Variants in RADX observed in about 807,000 individuals in gnomAD.
The protein encoded by RADX is RPA-related protein RADX.
RADX carries 36 observed loss-of-function variants against 61.6 expected under a neutral mutation model. That is an observed-to-expected ratio of 0.58 (90% confidence interval 0.45 to 0.77). The LOEUF (loss-of-function observed/expected upper bound fraction) is 0.77. RADX is among the 30% of genes least tolerant of loss of function. RADX has a pLI of 0.00. For missense variants in RADX, 497 were observed against 651.1 expected, an observed-to-expected ratio of 0.76 and a Z score of 2.58; for synonymous variants, 272 against 237.9, an observed-to-expected ratio of 1.14 and a Z score of -1.32.
At chrX:106,633,614 G>T (rs915721176) in intron 6 of RADX, among the ~76,000 whole-genome samples, 1 of 111,824 alleles carries the variant, frequency 8.9e-6, no homozygotes. Context: ...CCACATTAAA[G>T]ACATCGAAGA....
chrX:106,676,415 G>A (rs1035757602), intron 13 of RADX, among the ~76,000 whole-genome samples: 26 of 111,460 alleles, frequency 2.3e-4, no homozygotes, highest in African/African-American at 8.5e-4. Context: ...ATACCCTTGG[G>A]GTCCCACAAA....
Position 106,639,639 on chromosome X carries a change from C to G in RADX, c.1686C>G (p.Ile562Met). The change falls in exon 9 of 14, where the codon ATC (isoleucine) becomes ATG (methionine). Residue 562 changes from isoleucine to methionine, a missense_variant. This residue lies in a region of RADX where 267 missense variants were observed against 306.9 expected (regional missense o/e 0.87). Coordinates refer to ENST00000372548, the MANE Select transcript of RADX (RefSeq NM_018015.6). ...IQGIITAIKY[I>M]PHSSATESAS... ...GGATAATTACTGCTATAAAGTATAT[C>G]CCCCATAGCAGTGCGACTGAAAGTG... The G allele has an allele frequency of 5.9e-6, 7 of 1,193,440 alleles. No individual in the cohort carries two copies. The highest frequency in any genetic ancestry group is 7.9e-6 in the Non-Finnish European group (7 of 886,126).
chrX:106,619,731 CATA>C (rs200021034), intron 1 of RADX, among the ~76,000 whole-genome samples: 1,152 of 111,357 alleles, frequency 0.01, 38 homozygotes, highest in Admixed American at 0.091. Flanking sequence ...TAAAATCATA[CATA>C]ATAATCTTTT....
At chrX:106,675,653 G>A (rs1476741288) in intron 13 of RADX, among the ~76,000 whole-genome samples, 1 of 112,205 alleles carries the variant, frequency 8.9e-6, no homozygotes, top group African/African-American at 3.2e-5. Flanking sequence ...GAAATGGAGT[G>A]GAGAACACAT....
At chrX:106,663,093 T>A (rs992411961) in intron 12 of RADX, among the ~76,000 whole-genome samples, 4 of 111,430 alleles carry the variant, frequency 3.6e-5, no homozygotes, top group African/African-American at 9.8e-5. Context: ...GAGGAAAAAA[T>A]TATTAGCAAA....
Position 106,668,281 on chromosome X carries a change from G to T in RADX, c.2270-882G>T, listed in dbSNP as rs557951315. Among the ~76,000 whole-genome samples, 5 of 112,003 alleles carry T rather than the reference G, an allele frequency of 4.5e-5. No homozygotes were observed. The South Asian group carries it at 1.9e-3, about 42-fold the overall frequency. ...GAATCAGAGAGATATTAAGGTCATA[G>T]AATCTAGCTGACTAAATATCTGGGA... On this transcript the variant is annotated intron_variant, in intron 12 of 13. Transcript: ENST00000372548.
chrX:106,624,893 A>C (rs969387201), intron 2 of RADX, among the ~76,000 whole-genome samples, 197 bp from the exon 3 acceptor site: 6 of 111,589 alleles, frequency 5.4e-5, no homozygotes, highest in Non-Finnish European at 1.1e-4. Context: ...AATACTTTCC[A>C]CCTCAATACA....
chrX:106,642,232 A>G (rs1015462702), intron 10 of RADX, among the ~76,000 whole-genome samples: 13 of 111,255 alleles, frequency 1.2e-4, no homozygotes, highest in Non-Finnish European at 3.8e-5. Flanking sequence ...CATCCCATCA[A>G]GCATTTATCC....
rs1207266394 is a variant in RADX, at chrX:106,633,696, C to T, written c.1303+444C>T. Among the ~76,000 whole-genome samples, 5 of 111,449 alleles carry T rather than the reference C, an allele frequency of 4.5e-5. No homozygotes were observed. The East Asian group carries it at 8.4e-4, about 19-fold the overall frequency. ...ATAATAACAATGGTAAGTATGGTTC[C>T]GGTCGAATATTAAATTATTCAAGTA... is the stretch of plus-strand genomic sequence containing the variant. On this transcript the variant is annotated intron_variant, in intron 6 of 13. Transcript: ENST00000372548.
intron 3 of RADX, among the ~76,000 whole-genome samples, chrX:106,629,444 T>C (rs181417292): frequency 5.6e-4 from 63 of 111,927 alleles, no homozygotes; most frequent in African/African-American, 1.9e-3. Context: ...CATCCTGGTT[T>C]AAGCCTTGTT....
At chrX:106,639,890 A>T (rs760914245) in intron 9 of RADX, 10 of 238,433 alleles carry the variant, frequency 4.2e-5, no homozygotes, top group African/African-American at 2.8e-4. Flanking sequence ...TTTTGCACCA[A>T]CCTAATATTT....
chrX:106,621,109 A>G (rs1350388853), intron 1 of RADX, among the ~76,000 whole-genome samples: 2 of 112,090 alleles, frequency 1.8e-5, no homozygotes, highest in African/African-American at 6.5e-5. Flanking sequence ...AGAATGTTCC[A>G]TGTACATCCC....
intron 1 of RADX, among the ~76,000 whole-genome samples, chrX:106,617,431 T>C (rs978872979): frequency 8.9e-6 from 1 of 111,827 alleles, no homozygotes; most frequent in African/African-American, 3.3e-5. Context: ...ATATTCCAGA[T>C]CCTTATTTTT....
chrX:106,674,463 T>TTTGTTG (rs756763825), intron 13 of RADX, among the ~76,000 whole-genome samples: 1 of 112,033 alleles, frequency 8.9e-6, no homozygotes, highest in South Asian at 3.7e-4. Flanking sequence ...TCTGTTTTGT[T>TTTGTTG]TTGTTGTTGT....
chrX:106,614,406 A>C (rs1182326589), intron 1 of RADX, among the ~76,000 whole-genome samples: 1 of 112,047 alleles, frequency 8.9e-6, no homozygotes, highest in Non-Finnish European at 1.9e-5. Context: ...TGCCCATGTG[A>C]ATAGGTAATT....
chrX:106,659,946 A>G (rs1400301709), intron 11 of RADX, among the ~76,000 whole-genome samples: 1 of 112,081 alleles, frequency 8.9e-6, no homozygotes, highest in Non-Finnish European at 1.9e-5. Context: ...GTTTTCTATA[A>G]GGTAGATGTA....
rs761324542 is a variant in RADX, at chrX:106,637,925, G to A, written c.1573+1G>A. 6.7e-6 allele frequency: 8 copies of A among 1,188,013 alleles called. No individual in the cohort carries two copies. Among genetic ancestry groups the A allele is most frequent in the Non-Finnish European group, 9.1e-6 (8 of 875,958 alleles). ...TCCAAGTATAGTAGTTCTATTAAAG[G>A]TACTAATGTAATTGCCAGTCCTTCT... On this transcript the variant is annotated splice_donor_variant, in intron 8 of 13. Coordinates refer to ENST00000372548, the MANE Select transcript of RADX (RefSeq NM_018015.6). LOFTEE classifies it high-confidence loss of function.
At chrX:106,623,021 T>C (rs1926989763) in intron 2 of RADX, among the ~76,000 whole-genome samples, 1 of 111,497 alleles carries the variant, frequency 9.0e-6, no homozygotes, top group South Asian at 3.8e-4. Context: ...ATCCAGGTGG[T>C]CTCCTTCCCA....
intron 3 of RADX, among the ~76,000 whole-genome samples, chrX:106,626,143 A>T (rs1461901559): frequency 9.0e-6 from 1 of 111,312 alleles, no homozygotes. Context: ...TGATTTTTTC[A>T]CTTTCATTTG....
Sources: allele counts gnomAD v4.1 joint callset (sites outside exome capture counted in the v4.1 genomes callset), GRCh38; gene constraint gnomAD v4.1.1; regional missense constraint gnomAD v4.1.1; transcripts MANE v1.5; gene names NCBI Gene and HGNC (gene_info 2026-07-23, HGNC 2026-07-21).